The following ZC3H12B variants were observed in gnomAD, a reference collection of about 807,000 sequenced individuals.
ZC3H12B encodes probable ribonuclease ZC3H12B.
Under a neutral mutation model 43.9 loss-of-function variants are expected in ZC3H12B, and 7 were observed. The observed-to-expected ratio is 0.16, with a 90% confidence interval of 0.09 to 0.30. The LOEUF is 0.30. Among genes scored for constraint, ZC3H12B ranks in the 10% least tolerant of loss-of-function variants. The pLI, the probability that ZC3H12B is intolerant of heterozygous loss-of-function variation, is 1.00. For missense variants in ZC3H12B, 475 were observed against 670.2 expected (o/e 0.71, Z 3.22); for synonymous variants, 222 against 241.7 (o/e 0.92, Z 0.76).
the ZC3H12B span, among the ~76,000 whole-genome samples, chrX:65,257,026 A>G: frequency 1.8e-5 from 2 of 112,287 alleles, no homozygotes; most frequent in African/African-American, 6.5e-5. Context: ...TAGTTCAACA[A>G]TTGTGGAAGA....
chrX:65,134,003 C>T, the ZC3H12B span, among the ~76,000 whole-genome samples: 6 of 110,731 alleles, frequency 5.4e-5, no homozygotes, highest in East Asian at 2.9e-4. Context: ...GAACCATTAT[C>T]GAGTTTGTAT....
the ZC3H12B span, among the ~76,000 whole-genome samples, chrX:65,101,149 G>T: frequency 9.0e-6 from 1 of 111,545 alleles, no homozygotes; most frequent in Non-Finnish European, 1.9e-5. Context: ...ATGACTACTG[G>T]GCACATAATG....
the ZC3H12B span, among the ~76,000 whole-genome samples, chrX:65,205,903 C>G: frequency 8.9e-6 from 1 of 111,830 alleles, no homozygotes. Flanking sequence ...AAATCAAGAA[C>G]TCAACCCCTT....
At chrX:65,161,991 G>C in the ZC3H12B span, among the ~76,000 whole-genome samples, 1 of 111,378 alleles carries the variant, frequency 9.0e-6, no homozygotes, top group African/African-American at 3.3e-5. Flanking sequence ...GCATTTACTT[G>C]TCTGTAAAGT....
the ZC3H12B span, among the ~76,000 whole-genome samples, chrX:65,306,821 A>G: frequency 8.0e-5 from 9 of 112,728 alleles, no homozygotes; most frequent in African/African-American, 2.9e-4. Context: ...ATATTCCTTC[A>G]GTAGAATACC....
chrX:65,469,395 A>G, intron 3 of ZC3H12B: 1 of 457,358 alleles, frequency 2.2e-6, no homozygotes, highest in Non-Finnish European at 4.1e-6. Context: ...CTTTGGCACC[A>G]TCAAGCTCAA....
At chrX:65,239,226 T>C in the ZC3H12B span, among the ~76,000 whole-genome samples, 1 of 111,406 alleles carries the variant, frequency 9.0e-6, no homozygotes, top group Non-Finnish European at 1.9e-5. Flanking sequence ...TGTAGGTCTC[T>C]AAAAACTTGC....
the ZC3H12B span, among the ~76,000 whole-genome samples, chrX:65,051,535 G>A: frequency 9.0e-6 from 1 of 110,736 alleles, no homozygotes; most frequent in Non-Finnish European, 1.9e-5. Flanking sequence ...CAATGAAAAG[G>A]GGCATTTCAC....
chrX:65,245,410 T>C, the ZC3H12B span, among the ~76,000 whole-genome samples: 2 of 111,424 alleles, frequency 1.8e-5, no homozygotes, highest in Non-Finnish European at 3.8e-5. Context: ...CAGGCCAATA[T>C]CCTTGATGAA....
the ZC3H12B span, among the ~76,000 whole-genome samples, chrX:65,125,112 G>A: frequency 5.4e-5 from 6 of 110,845 alleles, no homozygotes; most frequent in African/African-American, 2.0e-4. Flanking sequence ...TTTTGATGTA[G>A]GCATTTAATG....
chrX:65,104,868 C>A, the ZC3H12B span, among the ~76,000 whole-genome samples: 3 of 110,947 alleles, frequency 2.7e-5, no homozygotes, highest in Non-Finnish European at 3.8e-5. Flanking sequence ...GATCTAGAAC[C>A]GGAAATACCA....
the ZC3H12B span, among the ~76,000 whole-genome samples, chrX:65,178,597 G>A: frequency 1.0e-3 from 118 of 112,406 alleles, no homozygotes; most frequent in African/African-American, 2.6e-3. Context: ...AAAAGTGGGC[G>A]AAGGATGTGA....
At chrX:65,081,206 G>A in the ZC3H12B span, among the ~76,000 whole-genome samples, 1 of 110,418 alleles carries the variant, frequency 9.1e-6, no homozygotes, top group African/African-American at 3.3e-5. Context: ...AAGACAGCAA[G>A]AAAAGGAAGA....
chrX:65,193,086 T>G, the ZC3H12B span, among the ~76,000 whole-genome samples: 2 of 108,019 alleles, frequency 1.9e-5, no homozygotes, highest in Admixed American at 9.8e-5. Flanking sequence ...GCATCAATAT[T>G]AATCAGTGAT....
the ZC3H12B span, among the ~76,000 whole-genome samples, chrX:65,189,921 A>G: frequency 5.6e-5 from 6 of 108,025 alleles, no homozygotes; most frequent in Admixed American, 1.9e-4. Context: ...TAGGGTTTTT[A>G]TGGTTTTAGG....
intron 3 of ZC3H12B, among the ~76,000 whole-genome samples, chrX:65,422,925 C>CTTTTTTTTTTTTTT (rs34567013): frequency 1.7e-4 from 8 of 46,182 alleles, no homozygotes; most frequent in Admixed American, 6.7e-4. Flanking sequence ...TCTTTCTTTG[C>CTTTTTTTTTTTTTT]TTTTTTTTTT....
chrX:65,356,545 C>CA, the ZC3H12B span, among the ~76,000 whole-genome samples: 2 of 111,232 alleles, frequency 1.8e-5, no homozygotes, highest in African/African-American at 6.5e-5. Context: ...TATTAATTGC[C>CA]AAAAAAATTC....
upstream of ZC3H12B, among the ~76,000 whole-genome samples, chrX:65,365,358 T>C (rs528489104): frequency 1.8e-5 from 2 of 111,294 alleles, no homozygotes; most frequent in South Asian, 7.7e-4. Flanking sequence ...TCTCCTTCTC[T>C]TATTTGGGCC....
intron 2 of ZC3H12B, among the ~76,000 whole-genome samples, chrX:65,380,495 G>T (rs1045728061): frequency 8.0e-5 from 9 of 111,876 alleles, no homozygotes; most frequent in Non-Finnish European, 1.5e-4. Flanking sequence ...ACCAGCCACT[G>T]CAAAATCATG....
Sources: allele counts gnomAD v4.1 joint callset (sites outside exome capture counted in the v4.1 genomes callset), GRCh38; gene constraint gnomAD v4.1.1; transcripts MANE v1.5; gene names NCBI Gene and HGNC (gene_info 2026-07-23, HGNC 2026-07-21).